TRPM2: variants seen among roughly 807,000 people sequenced by gnomAD.
TRPM2 encodes the protein estrogen-responsive element-associated gene 1 protein.
In TRPM2, 161 loss-of-function variants were observed where a neutral mutation model predicts 174.0. The ratio of observed to expected loss-of-function variants is 0.93; its 90% CI spans 0.81 to 1.05. The LOEUF is 1.05. Ranked by LOEUF, TRPM2 falls within the 50% of genes least tolerant of loss-of-function variation. The probability of loss-of-function intolerance (pLI) is 0.00; values close to 1 mark genes in which losing one functional copy is unlikely to be tolerated. For synonymous variants in TRPM2, 954 were observed against 861.3 expected (o/e 1.11, Z -1.88); for missense variants, 2,057 against 2,038.0 (o/e 1.01, Z -0.18).
rs2051387069 is a variant in TRPM2, at chr21:44,439,012, C to G, written c.4168-55C>G. 9.4e-6 allele frequency: 14 copies of G among 1,493,642 alleles called. 1 individual carries two copies. The South Asian group carries it at 1.6e-4, about 17-fold the overall frequency. The allele number at this position is 1,493,642 out of a possible 1,614,324, so 92.5% of individuals were successfully genotyped here. On this transcript the variant is annotated intron_variant, in intron 29 of 31. Transcript: ENST00000397928. This position sits in a 1 kb window ranked among gnomAD's most constrained non-coding sequence, Gnocchi z 5.1. ...CCAGTGGAGACGGGTGCCAGGGCAG[C>G]CTGAGGTCCCGCTTCGGTGCCCTGT...
rs1271719853 is a variant in TRPM2 at position 44,442,017 on chromosome 21, GAGGAGAGCTCA to G, written c.*203_*213del. ...ACTGGAAGGGGTCAAGGTGACCCGG[GAGGAGAGCTCA>G]AGACAGGGCACAGGCTACTCAGAGC... On this transcript the variant is annotated 3_prime_UTR_variant, in exon 32 of 32. Coordinates refer to ENST00000397928, the MANE Select transcript of TRPM2 (RefSeq NM_003307.4). 6 of 782,102 alleles carry G rather than the reference GAGGAGAGCTCA, an allele frequency of 7.7e-6. No homozygotes were observed. Among genetic ancestry groups the G allele is most frequent in the Non-Finnish European group, 1.1e-5 (6 of 551,034 alleles). The allele number at this position is 782,102 out of a possible 1,614,324, so 48.4% of individuals were successfully genotyped here.
intron 22 of TRPM2, among the ~76,000 whole-genome samples, chr21:44,419,575 GA>G (rs1569097452): frequency 4.6e-5 from 7 of 150,666 alleles, no homozygotes; most frequent in East Asian, 2.0e-4. Context: ...TGGTGGTGGT[GA>G]TGGTAGTGGT....
chr21:44,377,632 T>C (rs2048744654), intron 6 of TRPM2, 80 bp from the exon 7 acceptor site: 2 of 1,584,408 alleles, frequency 1.3e-6, no homozygotes, highest in African/African-American at 2.7e-5. Flanking sequence ...CTCGGCTCCA[T>C]GCTTTGTTCA....
chr21:44,352,032 C>T (rs1186389466), upstream of TRPM2, among the ~76,000 whole-genome samples: 1 of 152,216 alleles, frequency 6.6e-6, no homozygotes, highest in African/African-American at 2.4e-5. Flanking sequence ...CAGGGTGGAC[C>T]GCCTGCCTGG....
Position 44,414,071 on chromosome 21 carries a change from TC to T in TRPM2, c.3144del (p.Phe1048LeufsTer23). 6.2e-7 allele frequency: 1 copy of T among 1,603,938 alleles called. No homozygotes were observed. Among genetic ancestry groups the T allele is most frequent in the Non-Finnish European group, 8.5e-7 (1 of 1,175,342 alleles). On this transcript the variant is annotated frameshift_variant and splice_region_variant, in exon 20 of 32. Coordinates refer to ENST00000397928, the MANE Select transcript of TRPM2 (RefSeq NM_003307.4). LOFTEE classifies it high-confidence loss of function. ...CTGCTCAACCTCCTCATCGCCATGT[TC>T]AAGTGAGCGCCTGGGTGGGGCTGGC... ...ILLLNLLIAM[F>X]NYTFQQVQEH...
In TRPM2 at chr21:44,391,471, C is replaced by T. The variant is rs374830135; in HGVS notation, c.1640C>T (p.Pro547Leu). The change falls in exon 11 of 32, where the codon CCG becomes CTG. Residue 547 changes from proline to leucine, a missense_variant. By Grantham distance (98) the Pro-to-Leu change is moderately conservative. Coordinates refer to ENST00000397928, the MANE Select transcript of TRPM2 (RefSeq NM_003307.4). The surrounding 1 kb of genome is among the most constrained non-coding windows in gnomAD (Gnocchi z 5.0). The part of the protein sequence containing the change: ...QKVLVEDPER[P>L]ACAPAAPRLQ... ...GTGCTGGTGGAGGATCCCGAGCGCC[C>T]GGCTTGCGCGCCCGCGGCGCCCCGC... 2.4e-5 allele frequency: 39 copies of T among 1,610,530 alleles called. No homozygotes were observed. The highest frequency in any genetic ancestry group is 1.7e-4 in the Middle Eastern group (1 of 6,000).
chr21:44,368,541 C>G (rs2048423899), intron 4 of TRPM2, among the ~76,000 whole-genome samples: 1 of 152,008 alleles, frequency 6.6e-6, no homozygotes, highest in Non-Finnish European at 1.5e-5. Context: ...AAGCAATTCT[C>G]CTGCCTCAGC....
intron 24 of TRPM2, chr21:44,425,275 G>A (rs1050750000): frequency 7.6e-6 from 3 of 393,548 alleles, no homozygotes; most frequent in African/African-American, 6.1e-5. Context: ...CACGTAGGCT[G>A]AGTGACGAGA....
Position 44,439,285 on chromosome 21 carries a change from T to A in TRPM2, c.4269+117T>A. ...CTGGGTGGCAGCGGTCCCACCCAGC[T>A]TCACCAGGTGACGGTGGTCCCAGCC... is the stretch of plus-strand genomic sequence containing the variant. On this transcript the variant is annotated intron_variant, in intron 30 of 31. Coordinates refer to ENST00000397928, the MANE Select transcript of TRPM2 (RefSeq NM_003307.4). This position sits in a 1 kb window ranked among gnomAD's most constrained non-coding sequence, Gnocchi z 5.1. 1.1e-6 allele frequency: 1 copy of A among 875,792 alleles called. No individual in the cohort carries two copies. Among genetic ancestry groups the A allele is most frequent in the Non-Finnish European group, 1.8e-6 (1 of 555,634 alleles). 54.3% of individuals were successfully genotyped at this position (875,792 alleles called of 1,614,324 possible).
Position 44,425,684 on chromosome 21 carries a change from G to A in TRPM2, c.3652G>A (p.Ala1218Thr), listed in dbSNP as rs778043187. 2.1e-5 allele frequency: 32 copies of A among 1,535,228 alleles called. No homozygotes were observed. In the Admixed American group the frequency reaches 3.8e-4, roughly 18 times the overall value. The stretch of plus-strand genomic sequence containing the variant: ...ACTGTCCCCAGCCTCCCAGAAGGCC[G>A]CGGAGGAGCCGGATGCTGAGCCGGG... ...DVPTLASQKA[A>T]EEPDAEPGGR... Residue 1218 changes from alanine (A) to threonine (T), a missense_variant, in exon 25 of 32, where the codon GCG becomes ACG. Ala to Thr is a moderately conservative substitution (Grantham distance 58, BLOSUM62 0). Coordinates refer to ENST00000397928, the MANE Select transcript of TRPM2 (RefSeq NM_003307.4).
At position 44,437,077 on chromosome 21, in the gene TRPM2, G is replaced by A; in HGVS notation, c.4077G>A (p.Glu1359=). The change falls in exon 29 of 32, where the codon GAG becomes GAA. Residue 1359 remains glutamate (E), a synonymous_variant. Coordinates refer to ENST00000397928, the MANE Select transcript of TRPM2 (RefSeq NM_003307.4). ...CTCTCCGCAGGTGGAGGCGGAACGA[G>A]GATGGAGCCATCTGCAGGAAGAGCA... ...YPMVTRWRRN[E]DGAICRKSIK... is the part of the protein sequence containing the mutation. 1.3e-6 allele frequency: 2 copies of A among 1,550,888 alleles called. No individual in the cohort carries two copies. The highest frequency in any genetic ancestry group is 1.7e-6 in the Non-Finnish European group (2 of 1,146,848).
intron 20 of TRPM2, chr21:44,416,334 C>T (rs1322117677): frequency 6.6e-6 from 1 of 152,328 alleles, no homozygotes; most frequent in Non-Finnish European, 1.5e-5. Flanking sequence ...CGAGCATGGG[C>T]CAGGACTGTC....
rs1400193101 is a variant in TRPM2 at position 44,425,845 on chromosome 21, C to T, written c.3795+18C>T. ...CCTGGGAGGTGAGCGCCTGCCCAAGCCCAACCAGGCGGAGTGGCCGGGCCC... is the reference window on the plus strand; with the variant it reads ...CCTGGGAGGTGAGCGCCTGCCCAAGTCCAACCAGGCGGAGTGGCCGGGCCC... On this transcript the variant is annotated intron_variant, in intron 25 of 31. Transcript: ENST00000397928. 6.5e-7 allele frequency: 1 copy of T among 1,541,468 alleles called. No homozygotes were observed. Among genetic ancestry groups the T allele is most frequent in the Middle Eastern group, 2.3e-4 (1 of 4,432 alleles).
chr21:44,417,618 G>A (rs1197399204), intron 20 of TRPM2, among the ~76,000 whole-genome samples: 8 of 124,582 alleles, frequency 6.4e-5, no homozygotes, highest in African/African-American at 1.3e-4. Flanking sequence ...CAGTGGGCAC[G>A]TGGGCGTGGC....
intron 9 of TRPM2, among the ~76,000 whole-genome samples, chr21:44,384,119 A>G (rs1261821302): frequency 6.6e-6 from 1 of 152,228 alleles, no homozygotes; most frequent in Non-Finnish European, 1.5e-5. Context: ...TAACTGGACT[A>G]AGAAAAAAGA....
In TRPM2 at chr21:44,417,662, G is replaced by A. The variant is rs542517947; in HGVS notation, c.3147-265G>A. Among the ~76,000 whole-genome samples the A allele has an allele frequency of 5.0e-3, 662 of 133,704 alleles. 7 individuals carry two copies. Among genetic ancestry groups the A allele is most frequent in the African/African-American group, 0.018 (592 of 32,648 alleles). The allele number at this position is 133,704 out of a possible 152,430, so 87.7% of individuals were successfully genotyped here. On this transcript the variant is annotated intron_variant, in intron 20 of 31. Coordinates refer to ENST00000397928, the MANE Select transcript of TRPM2 (RefSeq NM_003307.4). Reference sequence around the variant, plus strand: ...CTGGCATCACAGTGGGCACGTGGGCGTGGCTCTGCTCTCTGTGGCATCACA... The same window carrying A: ...CTGGCATCACAGTGGGCACGTGGGCATGGCTCTGCTCTCTGTGGCATCACA...
chr21:44,350,619 G>T (rs540801771), upstream of TRPM2, among the ~76,000 whole-genome samples: 2 of 128,976 alleles, frequency 1.6e-5, no homozygotes, highest in African/African-American at 3.5e-5. Context: ...GGTGCAGGGC[G>T]CGGTGGGGTG....
chr21:44,405,336 G>A (rs2049831664), intron 17 of TRPM2, 76 bp downstream of exon 17: 1 of 1,585,230 alleles, frequency 6.3e-7, no homozygotes, highest in African/African-American at 1.3e-5. Flanking sequence ...GCCGGGCCCA[G>A]AACCAGCCAC....
intron 23 of TRPM2, among the ~76,000 whole-genome samples, chr21:44,423,962 C>T (rs954038586): frequency 1.6e-4 from 24 of 152,206 alleles, no homozygotes; most frequent in African/African-American, 5.3e-4. Context: ...GAGGCCTCCA[C>T]GGCCGGGCTG....
Sources: gnomAD v4.1 joint callset for allele counts (sites outside exome capture counted in the v4.1 genomes callset) on GRCh38, gnomAD v4.1.1 for gene constraint, Gnocchi (gnomAD v3.1) non-coding constraint, MANE v1.5 for transcripts, NCBI Gene and HGNC (gene_info 2026-07-23, HGNC 2026-07-21) for gene names.